VAC14: variants seen among roughly 807,000 people sequenced by gnomAD.
VAC14 encodes the protein protein VAC14 homolog.
VAC14 carries 47 observed loss-of-function variants against 85.3 expected under a neutral mutation model. The ratio of observed to expected loss-of-function variants is 0.55; its 90% CI spans 0.44 to 0.70. VAC14 has a LOEUF of 0.70. Ranked by LOEUF, VAC14 falls within the 30% of genes least tolerant of loss-of-function variation. VAC14 has a pLI of 0.00. For missense variants in VAC14, 861 were observed against 1,004.3 expected (o/e 0.86, Z 1.93); for synonymous variants, 447 against 430.5 (o/e 1.04, Z -0.47).
chr16:70,719,652 C>A (rs973493734), intron 14 of VAC14, among the ~76,000 whole-genome samples: 3 of 152,138 alleles, frequency 2.0e-5, no homozygotes, highest in African/African-American at 7.2e-5. Context: ...TAGGGAAATG[C>A]ATATTAAAAC....
chr16:70,719,083 G>T (rs758293242), intron 14 of VAC14, among the ~76,000 whole-genome samples: 1 of 152,236 alleles, frequency 6.6e-6, no homozygotes. Flanking sequence ...CCTGGCTGCC[G>T]CAGAAGCCCC....
Position 70,784,187 on chromosome 16 carries a change from C to G in VAC14, c.520G>C (p.Val174Leu), listed in dbSNP as rs147298983. The G allele has an allele frequency of 1.9e-6, 3 of 1,614,034 alleles. No individual in the cohort carries two copies. Among genetic ancestry groups the G allele is most frequent in the Non-Finnish European group, 2.5e-6 (3 of 1,180,030 alleles). Residue 174 changes from valine (V) to leucine (L), a missense_variant, in exon 5 of 19, where the codon GTG becomes CTG. By Grantham distance (32) the Val-to-Leu change is conservative. Coordinates refer to ENST00000261776, the MANE Select transcript of VAC14 (RefSeq NM_018052.5). ...IVTESNKFDLVSFIPLLRERI... is the reference protein window; with the variant it reads ...IVTESNKFDLLSFIPLLRERI... ...TCTCGCAACAAGGGGATGAAGCTCA[C>G]CAGGTCAAACTTGTTGCTCTCAGTC...
Position 70,690,558 on chromosome 16 carries a change from G to A in VAC14, c.2186+2263C>T, listed in dbSNP as rs892035273. The A allele has an allele frequency of 1.4e-5, 14 of 985,354 alleles. No homozygotes were observed. The African/African-American group carries it at 1.7e-4, about 12-fold the overall frequency. 61.0% of individuals were successfully genotyped at this position (985,354 alleles called of 1,614,324 possible). A position where few individuals can be genotyped will look rare whatever the true frequency, so the allele number is the denominator to read the frequency against. On this transcript the variant is annotated intron_variant, in intron 18 of 18. Coordinates refer to ENST00000261776, the MANE Select transcript of VAC14 (RefSeq NM_018052.5). ...GGGAGTGGCCCAGAAGCCAGGGGGT[G>A]GGGGAGCTGAGGTCCCCAGGGCCTT...
At chr16:70,736,831 C>T (rs1490110985) in intron 13 of VAC14, among the ~76,000 whole-genome samples, 4 of 152,094 alleles carry the variant, frequency 2.6e-5, no homozygotes, top group East Asian at 1.9e-4. Context: ...TGCATTGAGA[C>T]CACAGGTTTG....
At position 70,688,091 on chromosome 16, in the gene VAC14, C is replaced by T; in HGVS notation, c.2187-1G>A. Reference sequence around the variant, plus strand: ...CTTGGGGGCTGCCTTTAGACTGTCTCTGGGAAGAGGGAGCAGAAATGCTCA... The same window carrying T: ...CTTGGGGGCTGCCTTTAGACTGTCTTTGGGAAGAGGGAGCAGAAATGCTCA... On this transcript the variant is annotated splice_acceptor_variant, in intron 18 of 18. Coordinates refer to ENST00000261776, the MANE Select transcript of VAC14 (RefSeq NM_018052.5). LOFTEE classifies it high-confidence loss of function. The T allele has an allele frequency of 3.2e-6, 5 of 1,561,212 alleles. No homozygotes were observed. Among genetic ancestry groups the T allele is most frequent in the Non-Finnish European group, 4.4e-6 (5 of 1,147,996 alleles).
At chr16:70,739,124 C>T (rs563874407) in intron 13 of VAC14, among the ~76,000 whole-genome samples, 1 of 152,336 alleles carries the variant, frequency 6.6e-6, no homozygotes. Context: ...CATGTGGGAG[C>T]TCACAGAGCC....
At chr16:70,763,589 T>C (rs1225010869) in intron 10 of VAC14, among the ~76,000 whole-genome samples, 1 of 152,246 alleles carries the variant, frequency 6.6e-6, no homozygotes, top group Non-Finnish European at 1.5e-5. Flanking sequence ...TCATTGTGCC[T>C]TGCCACTGCA....
chr16:70,779,620 T>C (rs562265983), intron 9 of VAC14, among the ~76,000 whole-genome samples: 1 of 152,250 alleles, frequency 6.6e-6, no homozygotes, highest in Non-Finnish European at 1.5e-5. Flanking sequence ...GTTTGCTAAA[T>C]GTTAGATTTG....
intron 14 of VAC14, chr16:70,699,895 C>G (rs763216200): frequency 6.6e-6 from 1 of 152,252 alleles, no homozygotes; most frequent in Non-Finnish European, 1.5e-5. Flanking sequence ...CTGCCCACAC[C>G]ACCTTCCGTC....
At chr16:70,758,767 T>A (rs1242826773) in intron 12 of VAC14, among the ~76,000 whole-genome samples, 1 of 152,190 alleles carries the variant, frequency 6.6e-6, no homozygotes, top group African/African-American at 2.4e-5. Flanking sequence ...TTCTGCACTG[T>A]GGAAATCAGG....
rs183810596 is a variant in VAC14, at chr16:70,780,995, C to T, written c.947-56G>A. On this transcript the variant is annotated intron_variant, in intron 8 of 18. Coordinates refer to ENST00000261776, the MANE Select transcript of VAC14 (RefSeq NM_018052.5). ...GATTTGGATGCCTGTCTCTCTAAAT[C>T]TCTTGCTGAAATGTGATTCCCAGTG... is the stretch of plus-strand genomic sequence containing the variant. 5.0e-5 allele frequency: 80 copies of T among 1,603,394 alleles called. No homozygotes were observed. In the East Asian group the frequency reaches 1.5e-3, roughly 31 times the overall value.
chr16:70,758,930 G>A (rs1302010123), intron 12 of VAC14, among the ~76,000 whole-genome samples: 1 of 152,238 alleles, frequency 6.6e-6, no homozygotes, highest in Non-Finnish European at 1.5e-5. Context: ...TGAGGAAACA[G>A]CCACTTATCT....
chr16:70,756,028 T>C (rs2031818176), intron 12 of VAC14: 1 of 456,762 alleles, frequency 2.2e-6, no homozygotes, highest in South Asian at 1.5e-5. Flanking sequence ...AGATGAGCCC[T>C]GGGACCCAGC....
At chr16:70,751,465 A>G (rs1167587120) in intron 12 of VAC14, among the ~76,000 whole-genome samples, 2 of 152,212 alleles carry the variant, frequency 1.3e-5, no homozygotes, top group African/African-American at 4.8e-5. Flanking sequence ...TCCAGCAGCT[A>G]CTTCTTCTGA....
At chr16:70,765,224 C>G (rs1041694005) in intron 10 of VAC14, among the ~76,000 whole-genome samples, 1 of 152,216 alleles carries the variant, frequency 6.6e-6, no homozygotes. Flanking sequence ...TGGCAAATCA[C>G]TGTGACAAGC....
chr16:70,772,926 A>G (rs1170089662), intron 9 of VAC14: 1 of 152,246 alleles, frequency 6.6e-6, no homozygotes, highest in Non-Finnish European at 1.5e-5. Context: ...GATGCACGCC[A>G]TAAAAATGAA....
Position 70,780,717 on chromosome 16 carries a change from A to G in VAC14, c.1096+73T>C, listed in dbSNP as rs138194073. 287 of 1,505,614 alleles carry G rather than the reference A, an allele frequency of 1.9e-4. 3 individuals carry two copies. The East Asian group carries it at 6.1e-3, about 32-fold the overall frequency. 93.3% of individuals were successfully genotyped at this position (1,505,614 alleles called of 1,614,324 possible). On this transcript the variant is annotated intron_variant, in intron 9 of 18. Transcript: ENST00000261776. ...GTCCTGGTTGCTTAAGTGAGGCCCC[A>G]AGGCAACTCCTATGACATCTGGCTC...
intron 14 of VAC14, among the ~76,000 whole-genome samples, chr16:70,728,998 T>C (rs1597895455): frequency 6.6e-6 from 1 of 152,194 alleles, no homozygotes; most frequent in East Asian, 1.9e-4. Context: ...AGAAACACCA[T>C]GGAAATCTTC....
chr16:70,765,743 G>A (rs1005807053), intron 10 of VAC14, among the ~76,000 whole-genome samples: 1 of 152,176 alleles, frequency 6.6e-6, no homozygotes, highest in African/African-American at 2.4e-5. Context: ...GCAGCAGAAC[G>A]GCAGCTCCAG....
Sources: gnomAD v4.1 joint callset for allele counts (sites outside exome capture counted in the v4.1 genomes callset) on GRCh38, gnomAD v4.1.1 for gene constraint, MANE v1.5 for transcripts, NCBI Gene and HGNC (gene_info 2026-07-23, HGNC 2026-07-21) for gene names.